NUGGC: variants seen among roughly 807,000 people sequenced by gnomAD.
The protein encoded by NUGGC is nuclear GTPase SLIP-GC.
In NUGGC, 58 loss-of-function variants were observed where a neutral mutation model predicts 92.6. The observed-to-expected ratio is 0.63, with a 90% CI of 0.51 to 0.78. The LOEUF (loss-of-function observed/expected upper bound fraction) is 0.78. NUGGC is among the 30% of genes least tolerant of loss of function. The probability of loss-of-function intolerance (pLI) is 0.00; values close to 1 mark genes in which losing one functional copy is unlikely to be tolerated. For synonymous variants in NUGGC, 376 were observed against 366.4 expected (o/e 1.03, Z -0.30); for missense variants, 925 against 964.6 (o/e 0.96, Z 0.54).
intron 13 of NUGGC, among the ~76,000 whole-genome samples, chr8:28,040,147 C>T (rs1425595144): frequency 6.6e-6 from 1 of 152,146 alleles, no homozygotes; most frequent in Non-Finnish European, 1.5e-5. Flanking sequence ...GTGGTTCAGG[C>T]CACCCAGTCT....
Position 28,022,563 on chromosome 8 carries a change from A to C in NUGGC, c.*754T>G, listed in dbSNP as rs1809144499. 6.6e-6 allele frequency: 1 copy of C among 152,188 alleles called. No individual in the cohort carries two copies. Among genetic ancestry groups the C allele is most frequent in the Non-Finnish European group, 1.5e-5 (1 of 68,036 alleles). The allele number at this position is 152,188 out of a possible 1,614,324, so 9.4% of individuals were successfully genotyped here. ...GGGGCTATAAAATAAAATGCAGTAA[A>C]CATACTAGTTTTATATTGCATGCAA... On this transcript the variant is annotated 3_prime_UTR_variant, in exon 19 of 19. Transcript: ENST00000413272.
chr8:28,082,027 G>GGGTTTA (rs1810864238), intron 1 of NUGGC, among the ~76,000 whole-genome samples: 1 of 152,178 alleles, frequency 6.6e-6, no homozygotes. Context: ...CTTTGAGTTT[G>GGGTTTA]GGTTTAGGTT....
chr8:28,075,333 C>T (rs935179359), intron 1 of NUGGC, among the ~76,000 whole-genome samples: 1 of 147,252 alleles, frequency 6.8e-6, no homozygotes, highest in African/African-American at 2.6e-5. Flanking sequence ...AGAGGAGAGG[C>T]ACATCCAAAA....
At chr8:28,026,091 A>T (rs1476305493) in intron 18 of NUGGC, among the ~76,000 whole-genome samples, 1 of 152,178 alleles carries the variant, frequency 6.6e-6, no homozygotes, top group African/African-American at 2.4e-5. Flanking sequence ...AGATCATTTC[A>T]TGCCACTACC....
At chr8:28,066,708 A>C (rs1810447570) in intron 6 of NUGGC, among the ~76,000 whole-genome samples, 1 of 152,248 alleles carries the variant, frequency 6.6e-6, no homozygotes, top group Non-Finnish European at 1.5e-5. Context: ...CAGAAATTGA[A>C]TTTTAACTTA....
chr8:28,063,533 C>T (rs1010778807), intron 7 of NUGGC, among the ~76,000 whole-genome samples: 1 of 152,174 alleles, frequency 6.6e-6, no homozygotes, highest in Non-Finnish European at 1.5e-5. Flanking sequence ...CTGCCTTCCT[C>T]CTGCAGGAGG....
At chr8:28,074,319 A>G (rs1159531275) in intron 2 of NUGGC, 49 bp downstream of exon 2, 1 of 1,280,494 alleles carries the variant, frequency 7.8e-7, no homozygotes, top group Admixed American at 1.7e-5. Context: ...ATCCTATATC[A>G]GTAATCAGTT....
At chr8:28,039,866 G>C (rs772845466) in intron 13 of NUGGC, among the ~76,000 whole-genome samples, 2 of 152,182 alleles carry the variant, frequency 1.3e-5, no homozygotes, top group African/African-American at 4.8e-5. Context: ...TAACCACCAG[G>C]GTGACTGTGT....
chr8:28,034,502 G>A (rs1809504852), intron 13 of NUGGC, among the ~76,000 whole-genome samples: 1 of 152,022 alleles, frequency 6.6e-6, no homozygotes, highest in African/African-American at 2.4e-5. Context: ...TACAACATGA[G>A]AATATCCCCA....
At chr8:28,077,556 C>A (rs1585607595) in intron 1 of NUGGC, among the ~76,000 whole-genome samples, 2 of 151,916 alleles carry the variant, frequency 1.3e-5, no homozygotes, top group Admixed American at 1.3e-4. Flanking sequence ...GACAGCAAGA[C>A]CCTGTCTCAA....
chr8:28,069,917 C>T, intron 3 of NUGGC, among the ~76,000 whole-genome samples: 1 of 152,200 alleles, frequency 6.6e-6, no homozygotes, highest in East Asian at 1.9e-4. Context: ...CGGGCTTCAG[C>T]CCCTTCTAGA....
intron 18 of NUGGC, among the ~76,000 whole-genome samples, chr8:28,026,667 G>A (rs1809269087): frequency 6.6e-6 from 1 of 152,160 alleles, no homozygotes; most frequent in Admixed American, 6.5e-5. Flanking sequence ...CTATCCCTGG[G>A]AGGTAATGTG....
chr8:28,066,773 T>G (rs772662339), intron 6 of NUGGC, among the ~76,000 whole-genome samples: 2 of 152,244 alleles, frequency 1.3e-5, no homozygotes, highest in Non-Finnish European at 2.9e-5. Context: ...GCCTATCGAA[T>G]GTCCATCCTG....
intron 1 of NUGGC, among the ~76,000 whole-genome samples, chr8:28,076,546 T>TTCAG (rs1341019064): frequency 6.6e-6 from 1 of 152,202 alleles, no homozygotes; most frequent in Non-Finnish European, 1.5e-5. Flanking sequence ...ATCCACCCAC[T>TTCAG]TCAGCCTCCC....
intron 7 of NUGGC, among the ~76,000 whole-genome samples, chr8:28,061,913 A>G (rs1451456676): frequency 6.6e-6 from 1 of 152,168 alleles, no homozygotes; most frequent in Admixed American, 6.5e-5. Flanking sequence ...AGAGTTTGAG[A>G]AACCCTGATC....
intron 6 of NUGGC, among the ~76,000 whole-genome samples, chr8:28,066,782 T>C (rs1810449140): frequency 1.3e-5 from 2 of 152,202 alleles, no homozygotes; most frequent in Admixed American, 6.5e-5. Flanking sequence ...ATGTCCATCC[T>C]GTCCCTCTTT....
intron 18 of NUGGC, among the ~76,000 whole-genome samples, chr8:28,024,650 C>G (rs1456632570): frequency 6.6e-6 from 1 of 152,142 alleles, no homozygotes; most frequent in African/African-American, 2.4e-5. Context: ...CTTTCTGTGC[C>G]CGAGGGTGAC....
rs117499371 is a variant in NUGGC, at chr8:28,028,871, G to A, written c.2154+395C>T. 6.0e-3 allele frequency among the ~76,000 whole-genome samples: 909 copies of A among 152,242 alleles called. 4 individuals carry two copies. The highest frequency in any genetic ancestry group is 0.01 in the Non-Finnish European group (702 of 68,020). ...CTGTTTTGAGATCGTGCTATTGTTG[G>A]ACATGCTGGAGACAGGCTTCCCAAT... On this transcript the variant is annotated intron_variant, in intron 17 of 18. Transcript: ENST00000413272.
intron 9 of NUGGC, among the ~76,000 whole-genome samples, 173 bp downstream of exon 9, chr8:28,058,085 T>C (rs890635926): frequency 3.3e-5 from 5 of 151,914 alleles, no homozygotes; most frequent in African/African-American, 1.2e-4. Flanking sequence ...CCAGCTACTC[T>C]GGAGGCTGAA....
Sources: gnomAD v4.1 joint callset for allele counts (sites outside exome capture counted in the v4.1 genomes callset) on GRCh38, gnomAD v4.1.1 for gene constraint, MANE v1.5 for transcripts, NCBI Gene and HGNC (gene_info 2026-07-23, HGNC 2026-07-21) for gene names.